Variants in ARHGAP31 observed in about 807,000 individuals in gnomAD.
ARHGAP31 encodes rho GTPase-activating protein 31.
A neutral mutation model predicts 113.9 loss-of-function variants in ARHGAP31; 34 were observed. The observed-to-expected ratio is 0.30, with a 90% confidence interval of 0.23 to 0.40. The LOEUF is 0.40. Ranked by LOEUF, ARHGAP31 falls within the 10% of genes least tolerant of loss-of-function variation. The probability of loss-of-function intolerance (pLI) is 1.00; values close to 1 mark genes in which losing one functional copy is unlikely to be tolerated. For missense variants in ARHGAP31, 1,548 were observed against 1,767.1 expected, an observed-to-expected ratio of 0.88 and a Z score of 2.22; for synonymous variants, 650 against 684.8, an observed-to-expected ratio of 0.95 and a Z score of 0.79.
At chr3:119,306,861 TTTC>T (rs1441337565) in intron 1 of ARHGAP31, among the ~76,000 whole-genome samples, 5 of 152,202 alleles carry the variant, frequency 3.3e-5, no homozygotes, top group Non-Finnish European at 7.3e-5. Flanking sequence ...CGATTTTTAT[TTTC>T]TTCATTATAC....
chr3:119,391,712 G>A (rs1219453756), intron 7 of ARHGAP31, among the ~76,000 whole-genome samples: 1 of 151,456 alleles, frequency 6.6e-6, no homozygotes, highest in Non-Finnish European at 1.5e-5. Flanking sequence ...TCCATTGAAG[G>A]TGTCATTCCC....
chr3:119,336,020 A>C (rs1346512649), intron 1 of ARHGAP31, among the ~76,000 whole-genome samples: 1 of 152,048 alleles, frequency 6.6e-6, no homozygotes, highest in African/African-American at 2.4e-5. Flanking sequence ...TAAAAATACA[A>C]AAAAAATAGC....
At chr3:119,369,798 C>A (rs2080281868) in intron 3 of ARHGAP31, among the ~76,000 whole-genome samples, 1 of 152,092 alleles carries the variant, frequency 6.6e-6, no homozygotes, top group African/African-American at 2.4e-5. Flanking sequence ...GACAGTTTTT[C>A]TTGTTTCTTT....
Position 119,382,828 on chromosome 3 carries a change from T to G in ARHGAP31, c.540-256T>G, listed in dbSNP as rs551216858. 1.3e-3 allele frequency among the ~76,000 whole-genome samples: 204 copies of G among 152,326 alleles called. 1 individual carries two copies. The highest frequency in any genetic ancestry group is 4.7e-3 in the African/African-American group (197 of 41,568). On this transcript the variant is annotated intron_variant, in intron 5 of 11. Coordinates refer to ENST00000264245, the MANE Select transcript of ARHGAP31 (RefSeq NM_020754.4). ...AGGCATACTATAAAGGAAACAAAAG[T>G]CAATTTCTGTATGTTTACAGGATAG...
At chr3:119,378,908 G>A (rs890619075) in intron 3 of ARHGAP31, among the ~76,000 whole-genome samples, 2 of 152,190 alleles carry the variant, frequency 1.3e-5, no homozygotes, top group Non-Finnish European at 2.9e-5. Flanking sequence ...TGCTTAGGCT[G>A]GCCTGTTCTC....
At chr3:119,328,698 T>A (rs983956670) in intron 1 of ARHGAP31, among the ~76,000 whole-genome samples, 1 of 151,918 alleles carries the variant, frequency 6.6e-6, no homozygotes, top group Non-Finnish European at 1.5e-5. Context: ...TGGAGTGCAA[T>A]GGCGCGATCT....
At chr3:119,341,440 T>C (rs1473028355) in intron 1 of ARHGAP31, among the ~76,000 whole-genome samples, 2 of 152,208 alleles carry the variant, frequency 1.3e-5, no homozygotes, top group African/African-American at 4.8e-5. Context: ...AGCAACTCTG[T>C]GAGGGAATTA....
At chr3:119,325,040 G>C (rs557537148) in intron 1 of ARHGAP31, 1 of 451,938 alleles carries the variant, frequency 2.2e-6, no homozygotes, top group Admixed American at 2.4e-5. Context: ...GGCCTCATTG[G>C]TTAATGTTTA....
intron 6 of ARHGAP31, among the ~76,000 whole-genome samples, chr3:119,384,942 T>TC (rs767767640): frequency 3.2e-4 from 48 of 151,888 alleles, no homozygotes; most frequent in Non-Finnish European, 6.2e-4. Context: ...TTTTTTTTTT[T>TC]TGGATGGAGT....
Position 119,372,233 on chromosome 3 carries a change from A to G in ARHGAP31, c.348+3717A>G, listed in dbSNP as rs548800135. ...GATTTACACTCCCAACAGTGTATGT[A>G]TAAGTGTTCATTTCTCCCCAACCTC... On this transcript the variant is annotated intron_variant, in intron 3 of 11. Coordinates refer to ENST00000264245, the MANE Select transcript of ARHGAP31 (RefSeq NM_020754.4). 3.3e-5 allele frequency among the ~76,000 whole-genome samples: 5 copies of G among 150,742 alleles called. No individual in the cohort carries two copies. In the East Asian group the frequency reaches 9.8e-4, roughly 29 times the overall value.
At chr3:119,394,921 A>G (rs1472096407) in intron 8 of ARHGAP31, among the ~76,000 whole-genome samples, 2 of 152,244 alleles carry the variant, frequency 1.3e-5, no homozygotes, top group Non-Finnish European at 2.9e-5. Context: ...CTTAGGAGAC[A>G]TATACTAAAA....
At chr3:119,357,452 A>G (rs1290708061) in intron 1 of ARHGAP31, among the ~76,000 whole-genome samples, 1 of 151,210 alleles carries the variant, frequency 6.6e-6, no homozygotes, top group African/African-American at 2.4e-5. Flanking sequence ...GCAATCGGTG[A>G]TGAGACTGGC....
chr3:119,367,867 A>AG (rs1254331183), intron 2 of ARHGAP31, among the ~76,000 whole-genome samples: 1 of 148,658 alleles, frequency 6.7e-6, no homozygotes, highest in African/African-American at 2.5e-5. Context: ...AAAAAAAAGA[A>AG]AAAAAAAAAA....
At chr3:119,394,651 CA>C (rs2080532447) in intron 8 of ARHGAP31, among the ~76,000 whole-genome samples, 1 of 150,972 alleles carries the variant, frequency 6.6e-6, no homozygotes, top group African/African-American at 2.4e-5. Flanking sequence ...GAAAAAAAAC[CA>C]AAAAAACAAA....
chr3:119,382,249 G>A, intron 4 of ARHGAP31, 43 bp from the exon 5 acceptor site: 3 of 1,547,546 alleles, frequency 1.9e-6, no homozygotes, highest in Non-Finnish European at 2.7e-6. Flanking sequence ...GCTTCACACG[G>A]GCACTGAAGT....
At position 119,388,304 on chromosome 3, in the gene ARHGAP31, ATT is replaced by A. The variant is rs930147729; in HGVS notation, c.683-2477_683-2476del. 3.5e-4 allele frequency among the ~76,000 whole-genome samples: 37 copies of A among 107,010 alleles called. 1 individual carries two copies. Among genetic ancestry groups the A allele is most frequent in the South Asian group, 9.1e-4 (3 of 3,292 alleles). 70.2% of individuals were successfully genotyped at this position (107,010 alleles called of 152,430 possible). On this transcript the variant is annotated intron_variant, in intron 6 of 11. Transcript: ENST00000264245. ...TATACATATAATATGTATATGTATAATTTTTATATATATATATATATGTACAC... is the reference window on the plus strand; with the variant it reads ...TATACATATAATATGTATATGTATAATTTATATATATATATATATGTACAC...
chr3:119,350,905 T>C (rs2080105119), intron 1 of ARHGAP31, among the ~76,000 whole-genome samples: 1 of 152,216 alleles, frequency 6.6e-6, no homozygotes, highest in Non-Finnish European at 1.5e-5. Flanking sequence ...AGTCAGGACC[T>C]GAACACTGGC....
intron 1 of ARHGAP31, among the ~76,000 whole-genome samples, chr3:119,327,552 T>A (rs1311994265): frequency 1.3e-5 from 2 of 152,008 alleles, no homozygotes; most frequent in Non-Finnish European, 2.9e-5. Context: ...CTCAAAAAAA[T>A]AAATAAATAA....
chr3:119,368,461 A>G lies in ARHGAP31; in HGVS notation c.293A>G (p.Tyr98Cys). The G allele has an allele frequency of 6.2e-7, 1 of 1,614,106 alleles. No individual in the cohort carries two copies. The highest frequency in any genetic ancestry group is 1.1e-5 in the South Asian group (1 of 91,082). ...IHCVGSLCKL[Y>C]FRELPNPLLT... is the part of the protein sequence containing the mutation. ...TGTGTGGGCTCGCTTTGCAAGCTCT[A>G]CTTTAGGGAGCTGCCCAACCCCCTC... Residue 98 changes from tyrosine (Y) to cysteine (C), a missense_variant, in exon 3 of 12, where the codon TAC becomes TGC. Tyr to Cys is a radical substitution (Grantham distance 194). Transcript: ENST00000264245.
Sources: gnomAD v4.1 joint callset for allele counts (sites outside exome capture counted in the v4.1 genomes callset) on GRCh38, gnomAD v4.1.1 for gene constraint, MANE v1.5 for transcripts, NCBI Gene and HGNC (gene_info 2026-07-23, HGNC 2026-07-21) for gene names.